The following PDS5B variants were observed in gnomAD, a reference collection of about 807,000 sequenced individuals.
The protein encoded by PDS5B is sister chromatid cohesion protein PDS5 homolog B.
Under a neutral mutation model 184.1 loss-of-function variants are expected in PDS5B, and 51 were observed. The ratio of observed to expected loss-of-function variants is 0.28; its 90% CI spans 0.22 to 0.35. The LOEUF is 0.35. Among genes scored for constraint, PDS5B ranks in the 10% least tolerant of loss-of-function variants. The pLI is 1.00. For synonymous variants in PDS5B, 566 were observed against 569.2 expected (o/e 0.99, Z 0.08); for missense variants, 1,180 against 1,723.3 (o/e 0.68, Z 5.58).
At chr13:32,731,630 G>A (rs891060993) in intron 19 of PDS5B, among the ~76,000 whole-genome samples, 1 of 152,062 alleles carries the variant, frequency 6.6e-6, no homozygotes, top group African/African-American at 2.4e-5. Flanking sequence ...ATAGTCCCTG[G>A]CATGTAATAT....
chr13:32,763,028 A>G (rs1475603835), intron 30 of PDS5B, among the ~76,000 whole-genome samples: 1 of 152,072 alleles, frequency 6.6e-6, no homozygotes, highest in Admixed American at 6.6e-5. Flanking sequence ...ACTTTCTTTC[A>G]ATGTTTGACC....
chr13:32,773,192 T>C lies in PDS5B; in HGVS notation c.4176T>C (p.Arg1392=), dbSNP rs1566435866. 6.2e-7 allele frequency: 1 copy of C among 1,611,028 alleles called. No individual in the cohort carries two copies. Among genetic ancestry groups the C allele is most frequent in the South Asian group, 1.1e-5 (1 of 90,460 alleles). The change falls in exon 34 of 35, where the codon CGT becomes CGC. Residue 1392 remains arginine, a synonymous_variant. Coordinates refer to ENST00000315596, the MANE Select transcript of PDS5B (RefSeq NM_015032.4). The part of the protein sequence containing the change: ...PSPSQPKKNV[R]VGRSKQAATK... ...TTTTACATGTGTTTTACTCTAGCCG[T>C]GTAGGACGCTCCAAACAAGCAGCTA... is the stretch of plus-strand genomic sequence containing the variant.
chr13:32,673,781 G>A (rs1434678137), intron 8 of PDS5B, among the ~76,000 whole-genome samples: 1 of 152,038 alleles, frequency 6.6e-6, no homozygotes, highest in African/African-American at 2.4e-5. Context: ...TGCCTATGTT[G>A]AAAGTTTGTT....
At chr13:32,655,375 T>TATATATGTATATATATATA (rs1555296358) in intron 3 of PDS5B, among the ~76,000 whole-genome samples, 734 of 50,784 alleles carry the variant, frequency 0.014, 20 homozygotes, top group Middle Eastern at 0.039. Context: ...TATATATATA[T>TATATATGTATATATATATA]TTTTTTTTTT....
chr13:32,610,067 C>A (rs1228793567), intron 1 of PDS5B, among the ~76,000 whole-genome samples: 1 of 152,082 alleles, frequency 6.6e-6, no homozygotes, highest in Non-Finnish European at 1.5e-5. Context: ...TTTAAGAGCA[C>A]TGAGAATTTC....
chr13:32,742,015 C>T (rs569072999), intron 22 of PDS5B, among the ~76,000 whole-genome samples: 5 of 152,060 alleles, frequency 3.3e-5, no homozygotes, highest in Admixed American at 6.6e-5. Context: ...AGAGATCTTC[C>T]GTCTTTGCCG....
chr13:32,745,246 G>C (rs1215187371), intron 23 of PDS5B, among the ~76,000 whole-genome samples: 6 of 152,112 alleles, frequency 3.9e-5, no homozygotes, highest in Non-Finnish European at 8.8e-5. Flanking sequence ...TGATTTATTA[G>C]CAAGCTAGAA....
intron 1 of PDS5B, among the ~76,000 whole-genome samples, chr13:32,597,606 G>C (rs544229234): frequency 1.3e-5 from 2 of 151,892 alleles, no homozygotes; most frequent in Admixed American, 6.6e-5. Flanking sequence ...CCGAGGGGGG[G>C]GCGGCAGGGG....
At chr13:32,667,706 A>G in intron 6 of PDS5B, 58 bp from the exon 7 acceptor site, 3 of 937,798 alleles carry the variant, frequency 3.2e-6, no homozygotes, top group Non-Finnish European at 4.9e-6. Context: ...GAATACAGGT[A>G]ATATTTTGCT....
intron 1 of PDS5B, among the ~76,000 whole-genome samples, chr13:32,595,871 C>T (rs998665425): frequency 3.3e-5 from 5 of 152,036 alleles, no homozygotes; most frequent in South Asian, 2.1e-4. Flanking sequence ...TTTAGGAGGC[C>T]GAGGTGGGCT....
At position 32,742,579 on chromosome 13, in the gene PDS5B, T is replaced by G; in HGVS notation, c.2476-12T>G. The G allele has an allele frequency of 6.3e-7, 1 of 1,596,758 alleles. No homozygotes were observed. The highest frequency in any genetic ancestry group is 1.1e-5 in the South Asian group (1 of 87,822). On this transcript the variant is annotated splice_polypyrimidine_tract_variant and intron_variant, in intron 22 of 34. Coordinates refer to ENST00000315596, the MANE Select transcript of PDS5B (RefSeq NM_015032.4). ...TACCAGTGTTTTATTTGTCGACTTG[T>G]CTCTTAAATAGATTCAGGCTATTAA... is the stretch of plus-strand genomic sequence containing the variant.
intron 24 of PDS5B, among the ~76,000 whole-genome samples, chr13:32,750,847 C>CTCTGTGTG (rs1953954481): frequency 1.4e-5 from 2 of 143,426 alleles, no homozygotes; most frequent in Non-Finnish European, 3.0e-5. Context: ...CGGCCTCCCT[C>CTCTGTGTG]TGTGTGTGTG....
chr13:32,655,374 A>ATATATATATATATTTTTTTTTT, intron 3 of PDS5B, among the ~76,000 whole-genome samples: 3 of 72,460 alleles, frequency 4.1e-5, no homozygotes, highest in African/African-American at 2.5e-4. Flanking sequence ...ATATATATAT[A>ATATATATATATATTTTTTTTTT]TTTTTTTTTT....
At chr13:32,700,704 A>G (rs149430839) in intron 16 of PDS5B, among the ~76,000 whole-genome samples, 2,004 of 152,158 alleles carry the variant, frequency 0.013, 29 homozygotes, top group South Asian at 0.063. Flanking sequence ...TTTACATACC[A>G]TAGTTTCTAT....
At chr13:32,633,944 AAT>A (rs1270601214) in intron 1 of PDS5B, among the ~76,000 whole-genome samples, 29 of 152,276 alleles carry the variant, frequency 1.9e-4, no homozygotes, top group Admixed American at 5.2e-4. Flanking sequence ...GCTACATTGT[AAT>A]GTTATGCAAT....
In PDS5B at chr13:32,758,668, ATTTG is replaced by A. The variant is rs1954271313; in HGVS notation, c.3309+21_3309+24del. ...AACCTGACAAGGTAGTTACTTTACA[ATTTG>A]TTTGTGTAAGTTGAAATAAAATGTA... On this transcript the variant is annotated intron_variant, in intron 28 of 34. Coordinates refer to ENST00000315596, the MANE Select transcript of PDS5B (RefSeq NM_015032.4). The A allele has an allele frequency of 3.1e-6, 5 of 1,611,964 alleles. No individual in the cohort carries two copies. The highest frequency in any genetic ancestry group is 1.7e-5 in the Admixed American group (1 of 59,812).
In PDS5B at chr13:32,721,644, G is replaced by A. The variant is rs377713573; in HGVS notation, c.2124-10457G>A. On this transcript the variant is annotated intron_variant, in intron 19 of 34. Coordinates refer to ENST00000315596, the MANE Select transcript of PDS5B (RefSeq NM_015032.4). ...GAGGTGCTCCTCACATCCCAGACGG[G>A]GCGGCCGGGCAGAGGCGCTCCCCAC... 7.4e-5 allele frequency among the ~76,000 whole-genome samples: 11 copies of A among 148,624 alleles called. No homozygotes were observed. In the East Asian group the frequency reaches 1.4e-3, roughly 19 times the overall value.
At chr13:32,619,700 T>C (rs2058268545) in intron 1 of PDS5B, among the ~76,000 whole-genome samples, 1 of 152,232 alleles carries the variant, frequency 6.6e-6, no homozygotes, top group African/African-American at 2.4e-5. Context: ...TATAATCTTA[T>C]GAGACCACCG....
chr13:32,747,608 TG>T (rs1164727319), intron 24 of PDS5B, among the ~76,000 whole-genome samples: 1 of 151,534 alleles, frequency 6.6e-6, no homozygotes, highest in East Asian at 1.9e-4. Context: ...AAAAAAAATT[TG>T]GGGGGAGCCC....
Sources: gnomAD v4.1 joint callset for allele counts (sites outside exome capture counted in the v4.1 genomes callset) on GRCh38, gnomAD v4.1.1 for gene constraint, MANE v1.5 for transcripts, NCBI Gene and HGNC (gene_info 2026-07-23, HGNC 2026-07-21) for gene names.